ERLIN1: variants seen among roughly 807,000 people sequenced by gnomAD.
ERLIN1 encodes ER lipid raft associated 1.
ERLIN1 carries 24 observed loss-of-function variants against 46.9 expected under a neutral mutation model. The observed-to-expected ratio is 0.51, with a 90% CI of 0.37 to 0.72. ERLIN1 has a LOEUF of 0.72. ERLIN1 is among the 30% of genes least tolerant of loss of function. ERLIN1 has a pLI of 0.00. For missense variants in ERLIN1, 293 were observed against 417.9 expected (o/e 0.70, Z 2.61); for synonymous variants, 158 against 143.2 (o/e 1.10, Z -0.74).
intron 2 of ERLIN1, among the ~76,000 whole-genome samples, chr10:100,179,613 CGCTCA>C (rs1844519239): frequency 7.2e-6 from 1 of 138,368 alleles, no homozygotes. Flanking sequence ...TGCACCACTA[CGCTCA>C]GCTAATTTTT....
At chr10:100,163,859 C>T (rs1843491024) in intron 8 of ERLIN1, 145 bp downstream of exon 8, 1 of 607,366 alleles carries the variant, frequency 1.6e-6, no homozygotes, top group Non-Finnish European at 2.9e-6. Context: ...GGCTTTAGAA[C>T]ATCTGAATGT....
At position 100,150,738 on chromosome 10, in the gene ERLIN1, T is replaced by C. The variant is rs755321050; in HGVS notation, c.*1393A>G. On this transcript the variant is annotated 3_prime_UTR_variant, in exon 11 of 11. Coordinates refer to ENST00000421367, the MANE Select transcript of ERLIN1 (RefSeq NM_006459.4). Reference sequence around the variant, plus strand: ...ATGACTTTTTTGTTGAGCTTCAACATAGCGTACACAAGAGTTGTCTTAACA... The same window carrying C: ...ATGACTTTTTTGTTGAGCTTCAACACAGCGTACACAAGAGTTGTCTTAACA... 4 of 152,474 alleles carry C rather than the reference T, an allele frequency of 2.6e-5. No homozygotes were observed. The highest frequency in any genetic ancestry group is 2.6e-4 in the Admixed American group (4 of 15,276). 9.4% of individuals were successfully genotyped at this position (152,474 alleles called of 1,614,324 possible). A position where few individuals can be genotyped will look rare whatever the true frequency, so the allele number is the denominator to read the frequency against.
chr10:100,154,326 A>C (rs1276970664), intron 10 of ERLIN1, among the ~76,000 whole-genome samples: 4 of 152,178 alleles, frequency 2.6e-5, no homozygotes, highest in Non-Finnish European at 4.4e-5. Context: ...TCCAATAAAC[A>C]AGGAGTACTC....
At chr10:100,176,874 G>A (rs1413638791) in intron 4 of ERLIN1, among the ~76,000 whole-genome samples, 1 of 152,182 alleles carries the variant, frequency 6.6e-6, no homozygotes, top group Admixed American at 6.5e-5. Flanking sequence ...TGTAATCCCA[G>A]CACTTTGGGA....
intron 5 of ERLIN1, among the ~76,000 whole-genome samples, chr10:100,175,448 T>A (rs1312448363): frequency 2.6e-5 from 4 of 152,186 alleles, no homozygotes; most frequent in Non-Finnish European, 5.9e-5. Context: ...TTCACATGTG[T>A]TGTCACAGCT....
intron 2 of ERLIN1, among the ~76,000 whole-genome samples, chr10:100,183,180 T>C (rs1317137625): frequency 6.6e-6 from 1 of 152,246 alleles, no homozygotes; most frequent in Non-Finnish European, 1.5e-5. Context: ...TCTTGTTACA[T>C]TGAAAGATAC....
chr10:100,167,066 A>G (rs924148260), intron 7 of ERLIN1, among the ~76,000 whole-genome samples: 6 of 152,240 alleles, frequency 3.9e-5, no homozygotes, highest in African/African-American at 9.6e-5. Context: ...TACTATTCAT[A>G]TAAAATTATA....
intron 2 of ERLIN1, among the ~76,000 whole-genome samples, chr10:100,181,444 G>C (rs899405957): frequency 1.1e-4 from 16 of 151,052 alleles, no homozygotes; most frequent in Non-Finnish European, 2.4e-4. Context: ...TGTTTATCTG[G>C]ACTATGTCTT....
At chr10:100,164,159 T>C (rs1458492825) in intron 7 of ERLIN1, 64 bp from the exon 8 acceptor site, 1 of 1,105,410 alleles carries the variant, frequency 9.0e-7, no homozygotes, top group African/African-American at 1.5e-5. Context: ...AGCCAGTAAT[T>C]CTGACCCTAC....
intron 10 of ERLIN1, among the ~76,000 whole-genome samples, chr10:100,153,958 TTA>T (rs1245665353): frequency 4.4e-5 from 6 of 137,342 alleles, no homozygotes; most frequent in Non-Finnish European, 9.9e-5. Context: ...TTCTATCATC[TTA>T]TCATTTCTTC....
At chr10:100,156,360 A>T in intron 8 of ERLIN1, 126 bp from the exon 9 acceptor site, 1 of 638,760 alleles carries the variant, frequency 1.6e-6, no homozygotes, top group Non-Finnish European at 2.8e-6. Context: ...TGTTTCACTA[A>T]GTTTTATCTA....
rs528741248 is a variant in ERLIN1 at position 100,171,157 on chromosome 10, TA to T, written c.504+3050del. On this transcript the variant is annotated intron_variant, in intron 6 of 10. Transcript: ENST00000421367. ...TACTTTTAAGGTGGTGAAAAGCTCT[TA>T]AAACATGCCAGCTCAGCAACACACC... is the stretch of plus-strand genomic sequence containing the variant. Among the ~76,000 whole-genome samples, 442 of 152,254 alleles carry T rather than the reference TA, an allele frequency of 2.9e-3. 2 individuals carry two copies. The highest frequency in any genetic ancestry group is 5.1e-3 in the Non-Finnish European group (350 of 68,024).
chr10:100,179,117 G>C, intron 3 of ERLIN1, 84 bp downstream of exon 3: 1 of 1,050,018 alleles, frequency 9.5e-7, no homozygotes, highest in South Asian at 1.4e-5. Context: ...ATGCCTATTT[G>C]AGATATGTCT....
intron 7 of ERLIN1, 37 bp from the exon 8 acceptor site, chr10:100,164,132 C>A (rs1843504883): frequency 7.2e-7 from 1 of 1,391,904 alleles, no homozygotes; most frequent in East Asian, 2.3e-5. Context: ...AGAAATGATT[C>A]TCCTATGTGC....
At position 100,183,966 on chromosome 10, in the gene ERLIN1, G is replaced by A. The variant is rs78321221; in HGVS notation, c.114-129C>T. 0.052 allele frequency: 32,809 copies of A among 630,968 alleles called. 1,855 individuals are homozygous for A. The highest frequency in any genetic ancestry group is 0.21 in the African/African-American group (11,265 of 54,086). The allele number at this position is 630,968 out of a possible 1,614,324, so 39.1% of individuals were successfully genotyped here. A position where few individuals can be genotyped will look rare whatever the true frequency, so the allele number is the denominator to read the frequency against. ...TACTAAAGCCTCACTAATATGAATT[G>A]CTCATAATGAACAACTGCTTAAAAT... On this transcript the variant is annotated intron_variant, in intron 1 of 10. Coordinates refer to ENST00000421367, the MANE Select transcript of ERLIN1 (RefSeq NM_006459.4).
chr10:100,183,685 C>T, intron 2 of ERLIN1, 71 bp downstream of exon 2: 2 of 970,020 alleles, frequency 2.1e-6, no homozygotes, highest in Non-Finnish European at 3.2e-6. Context: ...AATCTATCTC[C>T]ACCCACAAGT....
Position 100,185,949 on chromosome 10 carries a change from G to C in ERLIN1, c.-323C>G. ...GGCTCGCGAGGAAAGCCGACCCCTC[G>C]GCCGCGCCTCACCGATCAGTGACGC... On this transcript the variant is annotated 5_prime_UTR_variant, in exon 1 of 11. Transcript: ENST00000421367. 1 of 466,614 alleles carries C rather than the reference G, an allele frequency of 2.1e-6. No homozygotes were observed. Among genetic ancestry groups the C allele is most frequent in the South Asian group, 4.3e-5 (1 of 23,140 alleles). The allele number at this position is 466,614 out of a possible 1,614,324, so 28.9% of individuals were successfully genotyped here. A position where few individuals can be genotyped will look rare whatever the true frequency, so the allele number is the denominator to read the frequency against.
At position 100,185,729 on chromosome 10, in the gene ERLIN1, C is replaced by T. The variant is rs935656179; in HGVS notation, c.-103G>A. ...TCTCCCTCCGGAAACTTGGCGCTCT[C>T]TCGCAGGCTGAGCCGGGGAGTCCAG... On this transcript the variant is annotated 5_prime_UTR_variant, in exon 1 of 11. Transcript: ENST00000421367. The T allele has an allele frequency of 3.3e-6, 3 of 920,208 alleles. No homozygotes were observed. The highest frequency in any genetic ancestry group is 1.6e-5 in the African/African-American group (1 of 61,556). The allele number at this position is 920,208 out of a possible 1,614,324, so 57.0% of individuals were successfully genotyped here.
chr10:100,184,298 T>A (rs1018352979), intron 1 of ERLIN1, among the ~76,000 whole-genome samples: 4 of 152,122 alleles, frequency 2.6e-5, no homozygotes, highest in African/African-American at 9.7e-5. Flanking sequence ...ATTCTTTCGA[T>A]CTATCTACAA....
Sources: gnomAD v4.1 joint callset for allele counts (sites outside exome capture counted in the v4.1 genomes callset) on GRCh38, gnomAD v4.1.1 for gene constraint, MANE v1.5 for transcripts, NCBI Gene and HGNC (gene_info 2026-07-23, HGNC 2026-07-21) for gene names.